UTRN: variants seen among roughly 807,000 people sequenced by gnomAD.
UTRN encodes utrophin.
In UTRN, 283 loss-of-function variants were observed where a neutral mutation model predicts 463.9. That is an observed-to-expected ratio of 0.61 (90% CI 0.55 to 0.67). UTRN has a LOEUF of 0.67. UTRN is among the 30% of genes least tolerant of loss of function. The pLI is 0.00. For synonymous variants in UTRN, 1,442 were observed against 1,431.5 expected, an observed-to-expected ratio of 1.01 and a Z score of -0.17; for missense variants, 3,922 against 4,084.3, an observed-to-expected ratio of 0.96 and a Z score of 1.08.
At position 144,429,438 on chromosome 6, in the gene UTRN, G is replaced by A. The variant is rs150659139; in HGVS notation, c.695-143G>A. 3,897 of 622,856 alleles carry A rather than the reference G, an allele frequency of 6.3e-3. 49 individuals carry two copies. Among genetic ancestry groups the A allele is most frequent in the South Asian group, 0.042 (1,048 of 25,228 alleles). The allele number at this position is 622,856 out of a possible 1,614,324, so 38.6% of individuals were successfully genotyped here. A position where few individuals can be genotyped will look rare whatever the true frequency, so the allele number is the denominator to read the frequency against. On this transcript the variant is annotated intron_variant, in intron 8 of 74. Coordinates refer to ENST00000367545, the MANE Select transcript of UTRN (RefSeq NM_007124.3). ...TTGCCTTTGTCTCATATATTATGAA[G>A]TGGCAATTTACTGGTATTGCAAAGA...
At chr6:144,490,863 G>A in intron 31 of UTRN, 66 bp from the exon 32 acceptor site, 1 of 1,488,968 alleles carries the variant, frequency 6.7e-7, no homozygotes, top group African/African-American at 1.4e-5. Context: ...AGTAGTATCT[G>A]TTATGCTCAT....
chr6:144,399,365 A>G (rs1354824370), intron 2 of UTRN, among the ~76,000 whole-genome samples: 3 of 152,228 alleles, frequency 2.0e-5, no homozygotes, highest in Non-Finnish European at 4.4e-5. Flanking sequence ...CACAAAAAGA[A>G]GAAATGAGAA....
At chr6:144,754,100 T>G (rs1003071566) in intron 56 of UTRN, among the ~76,000 whole-genome samples, 4 of 146,074 alleles carry the variant, frequency 2.7e-5, no homozygotes, top group African/African-American at 1.1e-4. Context: ...TACTGTCTAT[T>G]TCTCTCTCTC....
chr6:144,344,541 G>A (rs953424492), intron 2 of UTRN, among the ~76,000 whole-genome samples: 7 of 152,188 alleles, frequency 4.6e-5, no homozygotes, highest in African/African-American at 1.7e-4. Context: ...AGAGTTATTA[G>A]TTTCTTTGGA....
intron 53 of UTRN, among the ~76,000 whole-genome samples, chr6:144,719,186 C>T (rs569924678): frequency 1.3e-5 from 2 of 152,260 alleles, no homozygotes; most frequent in Non-Finnish European, 2.9e-5. Context: ...TCCTGAGGTT[C>T]CACATTTTCT....
At chr6:144,447,509 C>A in intron 15 of UTRN, 93 bp from the exon 16 acceptor site, 1 of 1,439,726 alleles carries the variant, frequency 6.9e-7, no homozygotes, top group Non-Finnish European at 9.5e-7. Context: ...GTACATTTTA[C>A]TATAAAAGAT....
In UTRN at chr6:144,448,783, G is replaced by A. The variant is rs1162351007; in HGVS notation, c.2072+14G>A. On this transcript the variant is annotated intron_variant, in intron 17 of 74. Coordinates refer to ENST00000367545, the MANE Select transcript of UTRN (RefSeq NM_007124.3). ...AGCTAAGAAAAAGTGAGAAGAGATA[G>A]AGAAATTGTTCAAATCCAATATTGC... 2.5e-6 allele frequency: 4 copies of A among 1,611,466 alleles called. No individual in the cohort carries two copies. The highest frequency in any genetic ancestry group is 2.2e-5 in the South Asian group (2 of 90,666).
chr6:144,536,342 A>G (rs888250078), intron 43 of UTRN, among the ~76,000 whole-genome samples: 25 of 152,194 alleles, frequency 1.6e-4, no homozygotes, highest in Non-Finnish European at 1.2e-4. Context: ...AAGGCCTATA[A>G]TAGTATTTTG....
At chr6:144,560,921 A>C (rs1436702266) in intron 50 of UTRN, among the ~76,000 whole-genome samples, 1 of 151,836 alleles carries the variant, frequency 6.6e-6, no homozygotes, top group African/African-American at 2.4e-5. Context: ...ATGTTCAAAA[A>C]TAATATTACT....
chr6:144,630,595 T>C (rs114892165), intron 51 of UTRN, among the ~76,000 whole-genome samples: 4,946 of 152,230 alleles, frequency 0.032, 260 homozygotes, highest in African/African-American at 0.11. Flanking sequence ...CCTCCCACAA[T>C]ACGTGGGGAT....
intron 2 of UTRN, among the ~76,000 whole-genome samples, chr6:144,341,025 C>T (rs1403018946): frequency 6.6e-6 from 1 of 152,154 alleles, no homozygotes; most frequent in East Asian, 1.9e-4. Flanking sequence ...CTTGTTTGCT[C>T]CTGAGCTATC....
chr6:144,606,136 T>C lies in UTRN; in HGVS notation c.7479+28848T>C, dbSNP rs115053035. 5.3e-3 allele frequency among the ~76,000 whole-genome samples: 813 copies of C among 152,356 alleles called. 6 individuals carry two copies. Among genetic ancestry groups the C allele is most frequent in the African/African-American group, 0.019 (786 of 41,590 alleles). On this transcript the variant is annotated intron_variant, in intron 51 of 74. Transcript: ENST00000367545. ...CAATGCAGTGATTGGTGATCATAAA[T>C]GAACTTAGTTTTATTCAGTACTATT...
intron 66 of UTRN, among the ~76,000 whole-genome samples, chr6:144,824,606 A>ATCTC (rs1562955051): frequency 2.7e-5 from 1 of 36,914 alleles, no homozygotes; most frequent in Admixed American, 4.2e-4. Flanking sequence ...ATATATATAT[A>ATCTC]TATATATCTT....
At chr6:144,657,368 C>G (rs6570639) in intron 51 of UTRN, among the ~76,000 whole-genome samples, 46,728 of 151,670 alleles carry the variant, frequency 0.31, 7,977 homozygotes, top group East Asian at 0.58. Context: ...ATCGTTTCTA[C>G]CTTAGCAGAG....
chr6:144,286,828 T>G lies in UTRN; in HGVS notation c.-93+1007T>G. On this transcript the variant is annotated intron_variant, in intron 1 of 74. Coordinates refer to ENST00000367545, the MANE Select transcript of UTRN (RefSeq NM_007124.3). The surrounding 1 kb of genome is among the most constrained non-coding windows in gnomAD (Gnocchi z 4.4). ...TTTACAAGGAACTGCAGAGCTCGGG[T>G]TCTAACTCCACGGCCCCGCTCTCTG... Among the ~76,000 whole-genome samples the G allele has an allele frequency of 6.7e-6, 1 of 150,342 alleles. No homozygotes were observed.
At chr6:144,348,815 A>T (rs951713834) in intron 2 of UTRN, among the ~76,000 whole-genome samples, 1 of 151,988 alleles carries the variant, frequency 6.6e-6, no homozygotes, top group Non-Finnish European at 1.5e-5. Context: ...ATGCCTGTAA[A>T]CCCAGCTACT....
At chr6:144,469,305 G>A (rs1790265483) in intron 23 of UTRN, among the ~76,000 whole-genome samples, 2 of 152,240 alleles carry the variant, frequency 1.3e-5, no homozygotes, top group South Asian at 4.1e-4. Flanking sequence ...ACTCTTTTAT[G>A]GTCTCAATCT....
chr6:144,737,284 G>A (rs538297826), intron 54 of UTRN, among the ~76,000 whole-genome samples: 4 of 152,268 alleles, frequency 2.6e-5, no homozygotes, highest in Non-Finnish European at 5.9e-5. Flanking sequence ...CTTGATGTCC[G>A]GTGAGTGATG....
At chr6:144,691,628 AT>A (rs1783426647) in intron 52 of UTRN, among the ~76,000 whole-genome samples, 1 of 152,102 alleles carries the variant, frequency 6.6e-6, no homozygotes, top group Admixed American at 6.5e-5. Context: ...AAGAGCTTGA[AT>A]TTCCTTTCCC....
Sources: gnomAD v4.1 joint callset for allele counts (sites outside exome capture counted in the v4.1 genomes callset) on GRCh38, gnomAD v4.1.1 for gene constraint, Gnocchi (gnomAD v3.1) non-coding constraint, MANE v1.5 for transcripts, NCBI Gene and HGNC (gene_info 2026-07-23, HGNC 2026-07-21) for gene names.